CD1B: variants seen among roughly 807,000 people sequenced by gnomAD.
The protein encoded by CD1B is CD1b molecule.
Under a neutral mutation model 39.8 loss-of-function variants are expected in CD1B, and 43 were observed. The ratio of observed to expected loss-of-function variants is 1.08; its 90% confidence interval spans 0.85 to 1.39. CD1B has a LOEUF of 1.39. CD1B is among the 40% of genes most tolerant of loss of function. The pLI is 0.00. For synonymous variants in CD1B, 192 were observed against 152.5 expected (o/e 1.26, Z -1.91); for missense variants, 495 against 403.8 (o/e 1.23, Z -1.94).
the CD1B span, among the ~76,000 whole-genome samples, chr1:158,299,297 G>C: frequency 1.3e-5 from 2 of 152,100 alleles, no homozygotes; most frequent in Admixed American, 1.3e-4. Context: ...CTTTAGTTCT[G>C]TTTATGTGAT....
chr1:158,319,734 G>A, the CD1B span, among the ~76,000 whole-genome samples: 1 of 152,190 alleles, frequency 6.6e-6, no homozygotes, highest in African/African-American at 2.4e-5. Context: ...AGGAGGAGAG[G>A]CGCTCTGCTT....
Position 158,331,221 on chromosome 1 carries a change from C to T in CD1B, c.61+142G>A, listed in dbSNP as rs568706704. On this transcript the variant is annotated intron_variant, in intron 1 of 5. Transcript: ENST00000368168. ...CTGCCTTAAGGCTTCAGGTTCTAGT[C>T]CCAACCACCAGAATGGTTGAAGAGG... The T allele has an allele frequency of 1.8e-4, 190 of 1,077,964 alleles. 2 individuals are homozygous for T. In the South Asian group the frequency reaches 2.7e-3, roughly 15 times the overall value. The allele number at this position is 1,077,964 out of a possible 1,614,324, so 66.8% of individuals were successfully genotyped here. A position where few individuals can be genotyped will look rare whatever the true frequency, so the allele number is the denominator to read the frequency against.
downstream of CD1B, among the ~76,000 whole-genome samples, chr1:158,323,802 G>A (rs914445490): frequency 2.0e-5 from 3 of 152,176 alleles, no homozygotes; most frequent in Admixed American, 6.5e-5. Flanking sequence ...CCCAAGGAGG[G>A]TGCCCAAGCT....
rs779067698 is a variant in CD1B at position 158,329,808 on chromosome 1, A to G, written c.607+44T>C. On this transcript the variant is annotated intron_variant, in intron 3 of 5. Coordinates refer to ENST00000368168, the MANE Select transcript of CD1B (RefSeq NM_001764.3). ...ATCCTTTGATATCTTCCTACTCTTG[A>G]TCTTAGAGGAGGTGGTGGGAAGTGA... 21 of 1,585,446 alleles carry G rather than the reference A, an allele frequency of 1.3e-5. No homozygotes were observed. In the South Asian group the frequency reaches 2.2e-4, roughly 17 times the overall value.
chr1:158,326,840 A>G (rs896694879), downstream of CD1B, among the ~76,000 whole-genome samples: 6 of 152,118 alleles, frequency 3.9e-5, no homozygotes, highest in African/African-American at 1.4e-4. Context: ...TCTGTCACCC[A>G]GGCTGGAGTG....
Position 158,329,564 on chromosome 1 carries a change from G to T in CD1B, c.692C>A (p.Pro231Gln). 1 of 1,614,096 alleles carries T rather than the reference G, an allele frequency of 6.2e-7. No individual in the cohort carries two copies. Among genetic ancestry groups the T allele is most frequent in the Non-Finnish European group, 8.5e-7 (1 of 1,180,028 alleles). The change falls in exon 4 of 6, where the codon CCA becomes CAA. Residue 231 changes from proline (P) to glutamine (Q), a missense_variant. Coordinates refer to ENST00000368168, the MANE Select transcript of CD1B (RefSeq NM_001764.3). ...QLVCHVSGFY[P>Q]KPVWVMWMRG... ...CATCCACATCACCCACACGGGCTTTGGGTAGAATCCTGAGACATGGCACAC... is the reference window on the plus strand; with the variant it reads ...CATCCACATCACCCACACGGGCTTTTGGTAGAATCCTGAGACATGGCACAC...
the CD1B span, among the ~76,000 whole-genome samples, chr1:158,321,891 G>A: frequency 3.9e-5 from 6 of 152,086 alleles, no homozygotes; most frequent in Non-Finnish European, 8.8e-5. Context: ...GCATCCATTA[G>A]CTATTCTTCC....
chr1:158,290,237 GTCTC>G, the CD1B span: 1 of 903,884 alleles, frequency 1.1e-6, no homozygotes, highest in Non-Finnish European at 1.8e-6. Context: ...GAGCATACCT[GTCTC>G]CAGGTCCAGT....
chr1:158,331,270 C>A, intron 1 of CD1B, 93 bp downstream of exon 1: 1 of 1,252,954 alleles, frequency 8.0e-7, no homozygotes, highest in Non-Finnish European at 1.2e-6. Flanking sequence ...AGACCCAGAC[C>A]CTTAGTGTCC....
At chr1:158,288,576 C>T in the CD1B span, among the ~76,000 whole-genome samples, 4,670 of 152,112 alleles carry the variant, frequency 0.031, 236 homozygotes, top group African/African-American at 0.11. Context: ...ATTTTTTTAT[C>T]GAGATGAGGT....
At chr1:158,302,082 T>A in the CD1B span, among the ~76,000 whole-genome samples, 12 of 152,160 alleles carry the variant, frequency 7.9e-5, no homozygotes, top group East Asian at 1.2e-3. Context: ...ACCAAAATCA[T>A]ACCAACCACA....
the CD1B span, among the ~76,000 whole-genome samples, chr1:158,286,093 G>A: frequency 6.6e-6 from 1 of 152,224 alleles, no homozygotes; most frequent in East Asian, 1.9e-4. Flanking sequence ...AAGAGCCCAG[G>A]CGAAGGCAAA....
At chr1:158,322,548 C>T in the CD1B span, among the ~76,000 whole-genome samples, 2 of 151,688 alleles carry the variant, frequency 1.3e-5, no homozygotes, top group Admixed American at 6.6e-5. Context: ...GGGGTTACAG[C>T]CATGAGCTAC....
chr1:158,314,877 A>G, the CD1B span, among the ~76,000 whole-genome samples: 7 of 143,796 alleles, frequency 4.9e-5, no homozygotes, highest in Non-Finnish European at 7.5e-5. Flanking sequence ...TCTTTGTTCA[A>G]TTCCCACCTA....
chr1:158,297,668 C>A, the CD1B span, among the ~76,000 whole-genome samples: 1 of 152,140 alleles, frequency 6.6e-6, no homozygotes, highest in African/African-American at 2.4e-5. Flanking sequence ...AAGACCCTGG[C>A]TCATGCCTGT....
chr1:158,328,198 G>C lies in CD1B; in HGVS notation c.*38C>G, dbSNP rs1652430856. Reference sequence around the variant, plus strand: ...TTGGGCTGATATCTTGGGCTTCTTGGTACTTATTGCGAATGGGAGAGGAGA... The same window carrying C: ...TTGGGCTGATATCTTGGGCTTCTTGCTACTTATTGCGAATGGGAGAGGAGA... On this transcript the variant is annotated 3_prime_UTR_variant, in exon 6 of 6. Coordinates refer to ENST00000368168, the MANE Select transcript of CD1B (RefSeq NM_001764.3). 3 of 1,561,824 alleles carry C rather than the reference G, an allele frequency of 1.9e-6. No individual in the cohort carries two copies. Among genetic ancestry groups the C allele is most frequent in the East Asian group, 2.2e-5 (1 of 44,520 alleles).
At chr1:158,297,470 T>C in the CD1B span, among the ~76,000 whole-genome samples, 1 of 152,210 alleles carries the variant, frequency 6.6e-6, no homozygotes, top group Admixed American at 6.5e-5. Context: ...AAAAGACTCT[T>C]ACCAGCCACC....
the CD1B span, among the ~76,000 whole-genome samples, chr1:158,317,038 T>C: frequency 8.7e-3 from 1,315 of 151,244 alleles, 25 homozygotes; most frequent in African/African-American, 0.031. Flanking sequence ...AGCTTTTTGA[T>C]GTGCTGCTGG....
At chr1:158,292,827 G>A in the CD1B span, 21 of 1,614,152 alleles carry the variant, frequency 1.3e-5, no homozygotes, top group Admixed American at 3.3e-5. Flanking sequence ...CTGTCTTGTC[G>A]AGTGAGACAC....
Sources: gnomAD v4.1 joint callset for allele counts (sites outside exome capture counted in the v4.1 genomes callset) on GRCh38, gnomAD v4.1.1 for gene constraint, MANE v1.5 for transcripts, NCBI Gene and HGNC (gene_info 2026-07-23, HGNC 2026-07-21) for gene names.